Variants in BLTP2 observed in about 807,000 individuals in gnomAD.
BLTP2 encodes bridge-like lipid transfer protein family member 2.
chr17:28,640,420 T>A, the BLTP2 span: 2 of 876,336 alleles, frequency 2.3e-6, no homozygotes, highest in Admixed American at 4.9e-5. Context: ...TTTTAATTTT[T>A]CCCACACTAC....
chr17:28,615,148 C>G, the BLTP2 span: 1 of 1,614,192 alleles, frequency 6.2e-7, no homozygotes, highest in Non-Finnish European at 8.5e-7. Flanking sequence ...CTTTCTCCTC[C>G]TCTTCCTGCT....
At chr17:28,620,328 G>A in the BLTP2 span, among the ~76,000 whole-genome samples, 1 of 152,218 alleles carries the variant, frequency 6.6e-6, no homozygotes, top group African/African-American at 2.4e-5. Context: ...CGGTCTGAGA[G>A]ATATTCAGGC....
At chr17:28,642,845 G>T in the BLTP2 span, 1 of 1,325,588 alleles carries the variant, frequency 7.5e-7, no homozygotes, top group South Asian at 1.2e-5. Context: ...AGGACGGCTA[G>T]ATCCTCTGCT....
At chr17:28,618,096 C>G in the BLTP2 span, among the ~76,000 whole-genome samples, 3,243 of 151,908 alleles carry the variant, frequency 0.021, 106 homozygotes, top group African/African-American at 0.074. Context: ...CCACGCCTGG[C>G]TAATTTTTGT....
the BLTP2 span, chr17:28,643,633 G>C: frequency 1.2e-6 from 2 of 1,614,094 alleles, no homozygotes; most frequent in Non-Finnish European, 1.7e-6. Flanking sequence ...TAAGGAGTTT[G>C]CTGGAAATCC....
chr17:28,627,373 T>C, the BLTP2 span, among the ~76,000 whole-genome samples: 1 of 151,970 alleles, frequency 6.6e-6, no homozygotes, highest in Admixed American at 6.6e-5. Context: ...CCTCCCCTGA[T>C]GGTATTCCCC....
the BLTP2 span, chr17:28,633,942 GCCACGTTACC>G: frequency 6.2e-7 from 1 of 1,613,972 alleles, no homozygotes; most frequent in African/African-American, 1.3e-5. Flanking sequence ...CCTCTCCACT[GCCACGTTACC>G]CCACGGAAGC....
the BLTP2 span, chr17:28,643,149 G>A: frequency 5.6e-6 from 9 of 1,614,040 alleles, no homozygotes; most frequent in African/African-American, 4.0e-5. Context: ...AGGATAGCAG[G>A]AGAAGTTGTC....
the BLTP2 span, chr17:28,634,839 G>A: frequency 3.9e-4 from 626 of 1,613,722 alleles, 3 homozygotes; most frequent in African/African-American, 5.2e-3. Context: ...TCCGAAGGGC[G>A]GCCACTTTAG....
the BLTP2 span, among the ~76,000 whole-genome samples, chr17:28,628,842 G>A: frequency 6.6e-6 from 1 of 152,082 alleles, no homozygotes; most frequent in East Asian, 1.9e-4. Context: ...GCTGAGGCAG[G>A]AGAATCGCTT....
the BLTP2 span, among the ~76,000 whole-genome samples, chr17:28,627,328 C>T: frequency 6.6e-6 from 1 of 152,234 alleles, no homozygotes; most frequent in East Asian, 1.9e-4. Flanking sequence ...ACTAGGCTTT[C>T]AAGGCCTGGC....
the BLTP2 span, chr17:28,631,787 G>C: frequency 6.2e-7 from 1 of 1,605,328 alleles, no homozygotes; most frequent in Non-Finnish European, 8.5e-7. Flanking sequence ...CAAGGAACAG[G>C]ATAGGAGAAA....
At chr17:28,618,427 A>T in the BLTP2 span, among the ~76,000 whole-genome samples, 1 of 151,598 alleles carries the variant, frequency 6.6e-6, no homozygotes, top group African/African-American at 2.4e-5. Flanking sequence ...AATTTTTAAA[A>T]TTTTTGTTGA....
At chr17:28,620,852 A>G in the BLTP2 span, 1 of 984,776 alleles carries the variant, frequency 1.0e-6, no homozygotes, top group Non-Finnish European at 1.5e-6. Context: ...AACTTACAAA[A>G]AGTAGAGCAA....
the BLTP2 span, chr17:28,615,906 CT>C: frequency 1.6e-6 from 2 of 1,234,498 alleles, no homozygotes; most frequent in African/African-American, 3.0e-5. Flanking sequence ...CAATAGTAAC[CT>C]ACAGATACTG....
the BLTP2 span, chr17:28,616,375 G>A: frequency 6.2e-7 from 1 of 1,614,086 alleles, no homozygotes; most frequent in Admixed American, 1.7e-5. This position sits in a 1 kb window ranked among gnomAD's most constrained non-coding sequence, Gnocchi z 4.8. Flanking sequence ...GGCATGTTTG[G>A]TACCTCTGGC....
chr17:28,618,648 G>T, the BLTP2 span: 148 of 615,620 alleles, frequency 2.4e-4, 1 homozygote, highest in East Asian at 3.7e-3. Context: ...TATGATTAAT[G>T]AGCTCGTTAA....
At chr17:28,615,298 G>A in the BLTP2 span, 7 of 1,454,204 alleles carry the variant, frequency 4.8e-6, no homozygotes, top group East Asian at 1.6e-4. Flanking sequence ...TGGGCAGGCA[G>A]AATAAATCAA....
chr17:28,642,348 A>G, the BLTP2 span: 1 of 1,614,060 alleles, frequency 6.2e-7, no homozygotes, highest in Non-Finnish European at 8.5e-7. Flanking sequence ...GGGAAAGGAA[A>G]AAAATTAAGA....
Sources: gnomAD v4.1 joint callset for allele counts (sites outside exome capture counted in the v4.1 genomes callset) on GRCh38, gnomAD v4.1.1 for gene constraint, Gnocchi (gnomAD v3.1) non-coding constraint, MANE v1.5 for transcripts, NCBI Gene and HGNC (gene_info 2026-07-23, HGNC 2026-07-21) for gene names.